FAM133B: variants seen among roughly 807,000 people sequenced by gnomAD.
FAM133B encodes family with sequence similarity 133 member B.
In FAM133B, 25 loss-of-function variants were observed where a neutral mutation model predicts 46.4. That is an observed-to-expected ratio of 0.54 (90% CI 0.39 to 0.75). FAM133B has a LOEUF of 0.75. Among genes scored for constraint, FAM133B ranks in the 30% least tolerant of loss-of-function variants. The pLI, the probability that FAM133B is intolerant of heterozygous loss-of-function variation, is 0.00. For synonymous variants in FAM133B, 75 were observed against 86.0 expected (o/e 0.87, Z 0.71); for missense variants, 205 against 277.6 (o/e 0.74, Z 1.86).
rs1794990014 is a variant in FAM133B at position 92,584,691 on chromosome 7, T to A, written c.25-3088A>T. 2.6e-5 allele frequency among the ~76,000 whole-genome samples: 4 copies of A among 152,348 alleles called. No individual in the cohort carries two copies. In the South Asian group the frequency reaches 8.3e-4, roughly 32 times the overall value. Reference sequence around the variant, plus strand: ...TATACCCTCAAATATTTCATTCAACTGCTTTTGCTAAGCATTTCGATTAGT... The same window carrying A: ...TATACCCTCAAATATTTCATTCAACAGCTTTTGCTAAGCATTTCGATTAGT... On this transcript the variant is annotated intron_variant, in intron 1 of 10. Transcript: ENST00000445716.
intron 3 of FAM133B, among the ~76,000 whole-genome samples, 193 bp from the exon 4 acceptor site, chr7:92,578,586 T>G (rs553511860): frequency 5.7e-4 from 87 of 152,274 alleles, no homozygotes; most frequent in Admixed American, 1.6e-3. Context: ...CTAGCTCTTT[T>G]CAAAGAGCAT....
chr7:92,581,486 G>A lies in FAM133B; in HGVS notation c.122+20C>T. 1.3e-6 allele frequency: 2 copies of A among 1,588,292 alleles called. No individual in the cohort carries two copies. Among genetic ancestry groups the A allele is most frequent in the Non-Finnish European group, 1.7e-6 (2 of 1,158,108 alleles). ...AAAGTTGATAAAAGCTTATAAATAG[G>A]TAAAGTGTTTCACAAATACCAGGTA... On this transcript the variant is annotated intron_variant, in intron 2 of 10. Transcript: ENST00000445716.
rs1794564136 is a variant in FAM133B at position 92,572,586 on chromosome 7, G to A, written c.517-2671C>T. On this transcript the variant is annotated intron_variant, in intron 8 of 10. Transcript: ENST00000445716. ...TACAAAAAAGTAGCTGGGCGTGGTG[G>A]CGCATGCCTGTAATCCCAGCTATTC... Among the ~76,000 whole-genome samples the A allele has an allele frequency of 5.3e-5, 8 of 152,276 alleles. No individual in the cohort carries two copies. In the South Asian group the frequency reaches 1.7e-3, roughly 32 times the overall value.
chr7:92,564,688 A>T (rs947732925), intron 10 of FAM133B, among the ~76,000 whole-genome samples: 1 of 152,168 alleles, frequency 6.6e-6, no homozygotes, highest in Non-Finnish European at 1.5e-5. Flanking sequence ...ACAAATGATG[A>T]TGTTTTCATT....
chr7:92,576,389 G>C (rs1049608284), intron 7 of FAM133B, among the ~76,000 whole-genome samples: 1 of 152,124 alleles, frequency 6.6e-6, no homozygotes, highest in Non-Finnish European at 1.5e-5. Flanking sequence ...AAAAGACAAA[G>C]AGAAAACCAA....
In FAM133B at chr7:92,575,648, GAAAC is replaced by G. The variant is rs1389068323; in HGVS notation, c.516+119_516+122del. The stretch of plus-strand genomic sequence containing the variant: ...TCCAAATTAAAAATTGCTTTAAATT[GAAAC>G]AAAATATTACAAAAACAAAATAAAT... On this transcript the variant is annotated intron_variant, in intron 8 of 10. Coordinates refer to ENST00000445716, the MANE Select transcript of FAM133B (RefSeq NM_152789.4). The G allele has an allele frequency of 1.9e-5, 9 of 467,364 alleles. No individual in the cohort carries two copies. The Admixed American group carries it at 2.6e-4, about 14-fold the overall frequency. 29.0% of individuals were successfully genotyped at this position (467,364 alleles called of 1,614,324 possible).
At chr7:92,588,020 G>A (rs1474440909) in intron 1 of FAM133B, among the ~76,000 whole-genome samples, 7 of 152,088 alleles carry the variant, frequency 4.6e-5, no homozygotes, top group African/African-American at 1.4e-4. Flanking sequence ...AAGATGTACA[G>A]AATTGAGTGT....
intron 6 of FAM133B, 29 bp from the exon 7 acceptor site, chr7:92,577,224 C>T (rs776336911): frequency 2.2e-6 from 3 of 1,365,776 alleles, no homozygotes; most frequent in East Asian, 2.7e-5. Flanking sequence ...GAAACATTTG[C>T]TTTCTGTCTC....
intron 1 of FAM133B, among the ~76,000 whole-genome samples, chr7:92,588,902 C>G (rs1795112011): frequency 6.6e-6 from 1 of 152,200 alleles, no homozygotes; most frequent in South Asian, 2.1e-4. Flanking sequence ...CTGAGGCCTC[C>G]CCAGAAGCAG....
chr7:92,564,973 G>C (rs1420266355), intron 10 of FAM133B, among the ~76,000 whole-genome samples: 5 of 151,924 alleles, frequency 3.3e-5, no homozygotes, highest in Non-Finnish European at 7.4e-5. Context: ...CATTTATGTT[G>C]TCATATTATT....
At chr7:92,582,327 A>C (rs1000030156) in intron 1 of FAM133B, among the ~76,000 whole-genome samples, 2 of 146,216 alleles carry the variant, frequency 1.4e-5, no homozygotes, top group African/African-American at 2.6e-5. Context: ...CATAACATAA[A>C]ATAAAATAAA....
At chr7:92,562,806 C>T (rs1043950723) in intron 10 of FAM133B, among the ~76,000 whole-genome samples, 1 of 152,172 alleles carries the variant, frequency 6.6e-6, no homozygotes, top group Non-Finnish European at 1.5e-5. Flanking sequence ...AATAGGTACA[C>T]AGGCATTGTG....
rs1161412428 is a variant in FAM133B, at chr7:92,562,252, T to A, written c.*30A>T. 4.6e-6 allele frequency: 7 copies of A among 1,508,602 alleles called. No homozygotes were observed. Among genetic ancestry groups the A allele is most frequent in the Non-Finnish European group, 5.3e-6 (6 of 1,139,062 alleles). 93.5% of individuals were successfully genotyped at this position (1,508,602 alleles called of 1,614,324 possible). A position where few individuals can be genotyped will look rare whatever the true frequency, so the allele number is the denominator to read the frequency against. ...AAATTTCCTCAGACATTGCACTTTC[T>A]TTATAAGGGAATCCTGATTTTTCTT... is the stretch of plus-strand genomic sequence containing the variant. On this transcript the variant is annotated 3_prime_UTR_variant, in exon 11 of 11. Coordinates refer to ENST00000445716, the MANE Select transcript of FAM133B (RefSeq NM_152789.4).
At chr7:92,571,495 T>C (rs1195283295) in intron 8 of FAM133B, among the ~76,000 whole-genome samples, 2 of 152,154 alleles carry the variant, frequency 1.3e-5, no homozygotes, top group African/African-American at 4.8e-5. Context: ...GAATTTGAAA[T>C]ATATGGTCAA....
intron 2 of FAM133B, 92 bp downstream of exon 2, chr7:92,581,414 G>A: frequency 9.6e-7 from 1 of 1,038,836 alleles, no homozygotes; most frequent in Non-Finnish European, 1.4e-6. Flanking sequence ...TCTGGCAATT[G>A]CTTGGTAATC....
chr7:92,588,962 A>C (rs1795113340), intron 1 of FAM133B, among the ~76,000 whole-genome samples: 1 of 152,156 alleles, frequency 6.6e-6, no homozygotes, highest in Non-Finnish European at 1.5e-5. Flanking sequence ...CCAATTAAAC[A>C]CTTTTCTTTA....
chr7:92,588,602 G>GT (rs1224764599), intron 1 of FAM133B, among the ~76,000 whole-genome samples: 3 of 152,168 alleles, frequency 2.0e-5, no homozygotes, highest in African/African-American at 7.2e-5. Flanking sequence ...GAACTACAAA[G>GT]TTTTTAAGAT....
At chr7:92,574,212 G>A (rs994386154) in intron 8 of FAM133B, among the ~76,000 whole-genome samples, 6 of 152,024 alleles carry the variant, frequency 3.9e-5, no homozygotes, top group Non-Finnish European at 5.9e-5. Flanking sequence ...GGCGAAATCC[G>A]CCACACACAC....
At chr7:92,580,211 C>CTACAG (rs1770480959) in intron 2 of FAM133B, among the ~76,000 whole-genome samples, 1 of 148,448 alleles carries the variant, frequency 6.7e-6, no homozygotes, top group Non-Finnish European at 1.5e-5. Flanking sequence ...GTAGCTAAGA[C>CTACAG]TACAGGCATG....
Sources: allele counts gnomAD v4.1 joint callset (sites outside exome capture counted in the v4.1 genomes callset), GRCh38; gene constraint gnomAD v4.1.1; transcripts MANE v1.5; gene names NCBI Gene and HGNC (gene_info 2026-07-23, HGNC 2026-07-21).